PCDHA8: variants seen among roughly 807,000 people sequenced by gnomAD.
PCDHA8 encodes protocadherin alpha 8.
A neutral mutation model predicts 61.8 loss-of-function variants in PCDHA8; 53 were observed. The ratio of observed to expected loss-of-function variants is 0.86; its 90% CI spans 0.69 to 1.08. The LOEUF is 1.08. Ranked by LOEUF, PCDHA8 falls within the 50% of genes least tolerant of loss-of-function variation. The pLI is 0.00. For missense variants in PCDHA8, 1,293 were observed against 1,245.0 expected (o/e 1.04, Z -0.58); for synonymous variants, 618 against 556.6 (o/e 1.11, Z -1.55).
rs191251073 is a variant in PCDHA8, at chr5:140,928,748, G to A, written c.2395-50201G>A. 503 of 1,614,114 alleles carry A rather than the reference G, an allele frequency of 3.1e-4. 5 individuals carry two copies. The East Asian group carries it at 1.0e-2, about 32-fold the overall frequency. Reference sequence around the variant, plus strand: ...ATTTCAGCCAATATAGGTGAGCTCCGTACTGCTCGCTTAGTTCTTCCCACT... The same window carrying A: ...ATTTCAGCCAATATAGGTGAGCTCCATACTGCTCGCTTAGTTCTTCCCACT... On this transcript the variant is annotated intron_variant, in intron 1 of 3. Transcript: ENST00000531613.
chr5:140,876,062 G>C, intron 1 of PCDHA8: 1 of 1,613,842 alleles, frequency 6.2e-7, no homozygotes, highest in South Asian at 1.1e-5. Flanking sequence ...TTAGTTCTTC[G>C]GAAGTTATTG....
chr5:140,983,282 G>A (rs1030439196), intron 3 of PCDHA8, among the ~76,000 whole-genome samples: 1 of 152,152 alleles, frequency 6.6e-6, no homozygotes, highest in Non-Finnish European at 1.5e-5. Context: ...GTGAGTATAG[G>A]AAAATTGCTT....
At chr5:140,922,002 A>G (rs138196210) in intron 1 of PCDHA8, among the ~76,000 whole-genome samples, 100 of 152,130 alleles carry the variant, frequency 6.6e-4, no homozygotes, top group Admixed American at 1.6e-3. Flanking sequence ...CAATGAAATG[A>G]TTAGTTTAAA....
chr5:140,877,155 C>A, intron 1 of PCDHA8: 1 of 1,613,798 alleles, frequency 6.2e-7, no homozygotes, highest in Non-Finnish European at 8.5e-7. Context: ...AGAACGACAA[C>A]GCGCCGGCAC....
chr5:140,941,214 C>CTTCTTTCTTT (rs1554214039), intron 1 of PCDHA8, among the ~76,000 whole-genome samples: 1 of 122,414 alleles, frequency 8.2e-6, no homozygotes, highest in Admixed American at 8.5e-5. Context: ...TTTCTTTCTT[C>CTTCTTTCTTT]CTTTCTTTCT....
intron 1 of PCDHA8, among the ~76,000 whole-genome samples, chr5:140,914,423 G>T (rs1293093692): frequency 3.3e-5 from 5 of 152,086 alleles, no homozygotes; most frequent in African/African-American, 1.2e-4. Context: ...CCATTAGCAA[G>T]GAATATCTTT....
chr5:140,876,154 A>C, intron 1 of PCDHA8: 2 of 1,613,972 alleles, frequency 1.2e-6, no homozygotes, highest in Non-Finnish European at 1.7e-6. Flanking sequence ...GTCTGTCCAG[A>C]TTCAAATAAC....
At chr5:140,882,092 A>C (rs59479) in intron 1 of PCDHA8, 748,334 of 1,137,016 alleles carry the variant, frequency 0.66, 247,467 homozygotes, top group African/African-American at 0.7. Flanking sequence ...CTTCACTGAG[A>C]ACGTTTCCGC....
intron 1 of PCDHA8, chr5:140,875,821 T>C: frequency 6.2e-7 from 1 of 1,614,192 alleles, no homozygotes; most frequent in Non-Finnish European, 8.5e-7. Context: ...GCTGCAGGTT[T>C]TCCATGTGGA....
chr5:140,992,845 C>T (rs2097530741), intron 3 of PCDHA8, among the ~76,000 whole-genome samples: 1 of 152,148 alleles, frequency 6.6e-6, no homozygotes, highest in African/African-American at 2.4e-5. Context: ...TTTTGTATAA[C>T]AACCAGTTTC....
intron 1 of PCDHA8, among the ~76,000 whole-genome samples, chr5:140,872,003 A>C (rs1314439086): frequency 2.0e-5 from 3 of 152,202 alleles, no homozygotes; most frequent in Non-Finnish European, 2.9e-5. Context: ...GGCTATTTAC[A>C]GGTGACCTGT....
rs149941021 is a variant in PCDHA8 at position 140,842,748 on chromosome 5, C to T, written c.1427C>T (p.Thr476Met). ...ENNPPGCHIFTVSARDADAQE... is the reference protein window; with the variant it reads ...ENNPPGCHIFMVSARDADAQE... ...AACCCGCCGGGCTGCCACATCTTCA[C>T]GGTGTCTGCGCGAGACGCGGACGCG... Residue 476 changes from threonine (T) to methionine (M), a missense_variant, in exon 1 of 4, where the codon ACG becomes ATG. Coordinates refer to ENST00000531613, the MANE Select transcript of PCDHA8 (RefSeq NM_018911.3). 2 of 1,595,020 alleles carry T rather than the reference C, an allele frequency of 1.3e-6. No individual in the cohort carries two copies. The highest frequency in any genetic ancestry group is 2.2e-5 in the East Asian group (1 of 44,822).
At chr5:140,964,222 A>G (rs2095818106) in intron 1 of PCDHA8, among the ~76,000 whole-genome samples, 1 of 152,254 alleles carries the variant, frequency 6.6e-6, no homozygotes, top group African/African-American at 2.4e-5. Flanking sequence ...AATGTCTTTC[A>G]AAATGAGGCT....
chr5:140,939,579 A>AT (rs2153642013), intron 1 of PCDHA8, among the ~76,000 whole-genome samples: 1 of 152,306 alleles, frequency 6.6e-6, no homozygotes, highest in African/African-American at 2.4e-5. Context: ...AAAATGGAAA[A>AT]TTTTAACATA....
intron 1 of PCDHA8, chr5:140,926,717 C>G (rs975992181): frequency 3.1e-6 from 3 of 967,258 alleles, no homozygotes; most frequent in East Asian, 6.0e-5. Context: ...CCAGCCCCGG[C>G]AATGCCGGCG....
chr5:140,882,482 G>A, intron 1 of PCDHA8: 1 of 1,614,048 alleles, frequency 6.2e-7, no homozygotes, highest in South Asian at 1.1e-5. Context: ...CAAAAGACAC[G>A]GGGACCTTCT....
At chr5:140,856,444 C>G in intron 1 of PCDHA8, 1 of 1,598,432 alleles carries the variant, frequency 6.3e-7, no homozygotes, top group Non-Finnish European at 8.6e-7. Flanking sequence ...CGCCCAGGTT[C>G]TCCGTAACAG....
At chr5:140,850,501 T>C (rs2150486644) in intron 1 of PCDHA8, 1 of 1,598,068 alleles carries the variant, frequency 6.3e-7, no homozygotes, top group African/African-American at 1.3e-5. Context: ...CTGGTGTCGC[T>C]GGTGGAGAGC....
rs148555729 is a variant in PCDHA8 at position 140,841,770 on chromosome 5, C to G, written c.449C>G (p.Ser150Cys). ...GTTTCAGAATCCAGAATGCCAGACT[C>G]TCGGTTTCCGCTAGAGGGCGCGTCC... ...LFVSESRMPD[S>C]RFPLEGASDA... Residue 150 changes from serine to cysteine, a missense_variant, in exon 1 of 4, where the codon TCT becomes TGT. Physicochemically the swap from Ser to Cys is moderately radical, Grantham distance 112. Transcript: ENST00000531613. 4 of 1,613,798 alleles carry G rather than the reference C, an allele frequency of 2.5e-6. No individual in the cohort carries two copies. The highest frequency in any genetic ancestry group is 1.3e-5 in the African/African-American group (1 of 74,856).
Sources: gnomAD v4.1 joint callset for allele counts (sites outside exome capture counted in the v4.1 genomes callset) on GRCh38, gnomAD v4.1.1 for gene constraint, MANE v1.5 for transcripts, NCBI Gene and HGNC (gene_info 2026-07-23, HGNC 2026-07-21) for gene names.